Variants in TEX11 observed in about 807,000 individuals in gnomAD.
TEX11 encodes the protein testis-expressed protein 11.
TEX11 carries 7 observed loss-of-function variants against 84.4 expected under a neutral mutation model. That is an observed-to-expected ratio of 0.08 (90% confidence interval 0.05 to 0.16). TEX11 has a LOEUF of 0.16. Among genes scored for constraint, TEX11 ranks in the 10% least tolerant of loss-of-function variants. The probability of loss-of-function intolerance (pLI) is 1.00; values close to 1 mark genes in which losing one functional copy is unlikely to be tolerated. For missense variants in TEX11, 551 were observed against 660.5 expected (o/e 0.83, Z 1.82); for synonymous variants, 264 against 222.8 (o/e 1.18, Z -1.64).
rs764786752 is a variant in TEX11, at chrX:70,711,191, A to T, written c.1004+11427T>A. On this transcript the variant is annotated intron_variant, in intron 13 of 29. Transcript: ENST00000374333. ...ATTTTCTTAATCCAGTCTATCATTGATGGACATTTGGGTTGGTTCCAAGTC... is the reference window on the plus strand; with the variant it reads ...ATTTTCTTAATCCAGTCTATCATTGTTGGACATTTGGGTTGGTTCCAAGTC... Among the ~76,000 whole-genome samples, 8 of 111,268 alleles carry T rather than the reference A, an allele frequency of 7.2e-5. No homozygotes were observed. The South Asian group carries it at 1.9e-3, about 27-fold the overall frequency.
intron 9 of TEX11, among the ~76,000 whole-genome samples, chrX:70,802,646 C>T (rs760467822): frequency 7.2e-5 from 8 of 110,719 alleles, no homozygotes; most frequent in Non-Finnish European, 1.3e-4. Flanking sequence ...GTCAGCAGTG[C>T]CAAGGAATAC....
intron 3 of TEX11, among the ~76,000 whole-genome samples, chrX:70,876,908 A>AAAACAAAC (rs767494813): frequency 9.1e-6 from 1 of 110,384 alleles, no homozygotes; most frequent in Non-Finnish European, 1.9e-5. Flanking sequence ...ACTGTCTCAA[A>AAAACAAAC]AAACAAACAA....
chrX:70,617,030 A>G (rs767820378), intron 20 of TEX11, among the ~76,000 whole-genome samples: 41 of 111,687 alleles, frequency 3.7e-4, no homozygotes, highest in African/African-American at 1.1e-3. Context: ...CTAAAAGTGT[A>G]TAATCAATAA....
At chrX:70,907,377 A>G (rs1024244362) in intron 2 of TEX11, among the ~76,000 whole-genome samples, 11 of 111,694 alleles carry the variant, frequency 9.8e-5, no homozygotes, top group Admixed American at 1.9e-4. Context: ...GACACTGCAG[A>G]AAGACAAAAC....
At chrX:70,628,191 C>T (rs2089470104) in intron 18 of TEX11, among the ~76,000 whole-genome samples, 1 of 106,899 alleles carries the variant, frequency 9.4e-6, no homozygotes, top group Non-Finnish European at 1.9e-5. Flanking sequence ...GATTACGCCA[C>T]TGCACTCCAG....
At chrX:70,844,358 A>G (rs2091465874) in intron 7 of TEX11, among the ~76,000 whole-genome samples, 1 of 105,810 alleles carries the variant, frequency 9.5e-6, no homozygotes, top group Non-Finnish European at 1.9e-5. Flanking sequence ...AACTATCGCA[A>G]GGACAAAAAA....
intron 8 of TEX11, among the ~76,000 whole-genome samples, chrX:70,809,985 T>C (rs1277306113): frequency 1.8e-5 from 2 of 112,165 alleles, no homozygotes; most frequent in Non-Finnish European, 3.8e-5. Context: ...TAAAAAGTAA[T>C]ATGAACAGAC....
intron 9 of TEX11, among the ~76,000 whole-genome samples, chrX:70,793,410 T>G (rs2074616063): frequency 1.8e-5 from 2 of 111,852 alleles, no homozygotes; most frequent in Admixed American, 1.9e-4. Flanking sequence ...TGCTGGAAGA[T>G]GTTTGGATCA....
At chrX:70,657,586 T>G (rs1389741057) in intron 16 of TEX11, among the ~76,000 whole-genome samples, 1 of 110,506 alleles carries the variant, frequency 9.0e-6, no homozygotes, top group Non-Finnish European at 1.9e-5. Context: ...GCTAAACACA[T>G]TTAAAAATAA....
At chrX:70,565,156 T>A (rs1316433968) in intron 25 of TEX11, among the ~76,000 whole-genome samples, 1 of 111,176 alleles carries the variant, frequency 9.0e-6, no homozygotes, top group Non-Finnish European at 1.9e-5. Context: ...TGATGGCCAG[T>A]GATGGTGAGC....
intron 14 of TEX11, among the ~76,000 whole-genome samples, chrX:70,680,667 T>TACAC (rs1425846106): frequency 9.0e-6 from 1 of 111,338 alleles, no homozygotes; most frequent in Non-Finnish European, 1.9e-5. Context: ...AAGTAATGGC[T>TACAC]ACACACAAAA....
chrX:70,558,083 G>C (rs190283179), intron 25 of TEX11, among the ~76,000 whole-genome samples: 2 of 111,518 alleles, frequency 1.8e-5, no homozygotes, highest in African/African-American at 6.5e-5. Flanking sequence ...GGAGGCAGAG[G>C]TTGCAGTAAG....
chrX:70,840,346 T>C (rs2091434879), intron 7 of TEX11, among the ~76,000 whole-genome samples: 1 of 111,455 alleles, frequency 9.0e-6, no homozygotes, highest in Non-Finnish European at 1.9e-5. Flanking sequence ...AAGGGAAGAA[T>C]TTTCAACCCA....
rs763093153 is a variant in TEX11 at position 70,645,042 on chromosome X, A to G, written c.1483+6408T>C. On this transcript the variant is annotated intron_variant, in intron 17 of 29. Coordinates refer to ENST00000374333, the MANE Select transcript of TEX11 (RefSeq NM_031276.3). ...GAACAATTATGTACCAAGAAATTGG[A>G]TAATCTAGAAGAAAGATAAAGTCCT... is the stretch of plus-strand genomic sequence containing the variant. 9.0e-5 allele frequency among the ~76,000 whole-genome samples: 10 copies of G among 111,268 alleles called. No individual in the cohort carries two copies. In the South Asian group the frequency reaches 3.8e-3, roughly 42 times the overall value.
chrX:70,757,279 G>A (rs986691602), intron 9 of TEX11, among the ~76,000 whole-genome samples: 6 of 111,132 alleles, frequency 5.4e-5, no homozygotes, highest in Admixed American at 3.8e-4. Flanking sequence ...ATACCACAAA[G>A]ATACTCGTTG....
intron 9 of TEX11, among the ~76,000 whole-genome samples, chrX:70,755,440 G>C (rs2090860343): frequency 8.9e-6 from 1 of 111,825 alleles, no homozygotes; most frequent in Non-Finnish European, 1.9e-5. Flanking sequence ...GAATTAGTGA[G>C]CTTGAAGACG....
chrX:70,866,811 T>C lies in TEX11; in HGVS notation c.245-5875A>G, dbSNP rs770117949. 6.3e-5 allele frequency among the ~76,000 whole-genome samples: 7 copies of C among 111,952 alleles called. No individual in the cohort carries two copies. The East Asian group carries it at 1.4e-3, about 22-fold the overall frequency. On this transcript the variant is annotated intron_variant, in intron 4 of 29. Transcript: ENST00000374333. The stretch of plus-strand genomic sequence containing the variant: ...GACAAAAACCACATGATTATCTCAA[T>C]AGATGCAGAAAAGGCCTTCAATAAA...
intron 9 of TEX11, among the ~76,000 whole-genome samples, chrX:70,761,452 C>T (rs1290892900): frequency 9.0e-6 from 1 of 111,659 alleles, no homozygotes; most frequent in African/African-American, 3.3e-5. Context: ...GAGTTCATGT[C>T]CTTTGTAGGG....
chrX:70,697,512 T>C (rs916253022), intron 13 of TEX11, among the ~76,000 whole-genome samples: 1 of 112,095 alleles, frequency 8.9e-6, no homozygotes, highest in African/African-American at 3.2e-5. Context: ...ATGGGCTCAG[T>C]GTTAGTAAAA....
Sources: gnomAD v4.1 joint callset for allele counts (sites outside exome capture counted in the v4.1 genomes callset) on GRCh38, gnomAD v4.1.1 for gene constraint, MANE v1.5 for transcripts, NCBI Gene and HGNC (gene_info 2026-07-23, HGNC 2026-07-21) for gene names.